PNPLA7: variants seen among roughly 807,000 people sequenced by gnomAD.
PNPLA7 encodes patatin like domain 7, lysophospholipase, also known as patatin-like phospholipase domain-containing protein 7.
Under a neutral mutation model 161.7 loss-of-function variants are expected in PNPLA7, and 153 were observed. That is an observed-to-expected ratio of 0.95 (90% CI 0.83 to 1.08). The LOEUF (loss-of-function observed/expected upper bound fraction) is 1.08, where lower values mean the gene tolerates loss of function less well. Ranked by LOEUF, PNPLA7 falls within the 50% of genes least tolerant of loss-of-function variation. The pLI is 0.00. For missense variants in PNPLA7, 1,739 were observed against 1,856.6 expected (o/e 0.94, Z 1.16); for synonymous variants, 809 against 782.1 (o/e 1.03, Z -0.57).
At chr9:137,473,116 C>T (rs1435141650) in intron 25 of PNPLA7, among the ~76,000 whole-genome samples, 1 of 152,178 alleles carries the variant, frequency 6.6e-6, no homozygotes, top group Non-Finnish European at 1.5e-5. Context: ...CATCAGATCC[C>T]GTTAGACTAT....
intron 8 of PNPLA7, among the ~76,000 whole-genome samples, chr9:137,526,118 A>T (rs1835289874): frequency 6.6e-6 from 1 of 152,094 alleles, no homozygotes; most frequent in African/African-American, 2.4e-5. Context: ...CTTATTCTGT[A>T]TATTTTCTTT....
chr9:137,473,670 C>T (rs941722336), intron 25 of PNPLA7, among the ~76,000 whole-genome samples: 6 of 152,186 alleles, frequency 3.9e-5, no homozygotes, highest in Non-Finnish European at 8.8e-5. Context: ...CAAAAGAAGA[C>T]ACACAAATGG....
At chr9:137,478,806 T>C in intron 24 of PNPLA7, 2 of 449,118 alleles carry the variant, frequency 4.5e-6, no homozygotes, top group East Asian at 3.9e-5. Flanking sequence ...ATCCCCGGGG[T>C]TCGCTGAGCC....
rs1376677783 is a variant in PNPLA7, at chr9:137,486,071, C to T, written c.2198-1335G>A. On this transcript the variant is annotated intron_variant, in intron 20 of 34. Coordinates refer to ENST00000406427, the MANE Select transcript of PNPLA7 (RefSeq NM_001098537.3). This position sits in a 1 kb window ranked among gnomAD's most constrained non-coding sequence, Gnocchi z 6.0. ...CCGTGGATGCTCCTCCTCTGCAGTC[C>T]CCGTGGCCCAGCCCTCTCACAGGCT... 2.0e-5 allele frequency among the ~76,000 whole-genome samples: 3 copies of T among 151,922 alleles called. No individual in the cohort carries two copies. The highest frequency in any genetic ancestry group is 2.0e-4 in the Admixed American group (3 of 15,234).
At chr9:137,531,291 G>A (rs184092810) in intron 8 of PNPLA7, among the ~76,000 whole-genome samples, 61 of 152,288 alleles carry the variant, frequency 4.0e-4, no homozygotes, top group African/African-American at 1.4e-3. Flanking sequence ...AAGCACGTGC[G>A]TGTGTTTGGG....
chr9:137,475,010 C>CAAAAAAAAAAAAAAAAAAAA (rs58417100), intron 25 of PNPLA7, among the ~76,000 whole-genome samples: 2 of 63,616 alleles, frequency 3.1e-5, no homozygotes, highest in African/African-American at 1.4e-4. Context: ...GACTCTGCCT[C>CAAAAAAAAAAAAAAAAAAAA]AAAAAAAAAA....
chr9:137,541,577 C>T lies in PNPLA7; in HGVS notation c.667-855G>A, dbSNP rs754828058. On this transcript the variant is annotated intron_variant, in intron 7 of 34. Coordinates refer to ENST00000406427, the MANE Select transcript of PNPLA7 (RefSeq NM_001098537.3). The surrounding 1 kb of genome is among the most constrained non-coding windows in gnomAD (Gnocchi z 4.4). The stretch of plus-strand genomic sequence containing the variant: ...CACAAAGCCCAGGGTTTGCTGAGTG[C>T]GTGCTTTAAATGAGAACAAGCAATG... The T allele has an allele frequency of 5.2e-5, 42 of 815,430 alleles. No homozygotes were observed. Among genetic ancestry groups the T allele is most frequent in the Non-Finnish European group, 5.8e-5 (39 of 674,822 alleles). 50.5% of individuals were successfully genotyped at this position (815,430 alleles called of 1,614,324 possible). A position where few individuals can be genotyped will look rare whatever the true frequency, so the allele number is the denominator to read the frequency against.
chr9:137,471,692 C>T lies in PNPLA7; in HGVS notation c.2883-4219G>A, dbSNP rs903092784. ...TAACAAAAGATGTGCAAGACCTCTA[C>T]ACTGAAGACCGCAAATCATGGCTGA... is the stretch of plus-strand genomic sequence containing the variant. On this transcript the variant is annotated intron_variant, in intron 25 of 34. Transcript: ENST00000406427. Among the ~76,000 whole-genome samples, 12 of 151,612 alleles carry T rather than the reference C, an allele frequency of 7.9e-5. 2 individuals are homozygous for T. The highest frequency in any genetic ancestry group is 1.8e-4 in the Non-Finnish European group (12 of 67,898).
rs1209733705 is a variant in PNPLA7 at position 137,500,184 on chromosome 9, T to C, written c.1757+507A>G. 3.3e-5 allele frequency among the ~76,000 whole-genome samples: 5 copies of C among 152,186 alleles called. No homozygotes were observed. Among genetic ancestry groups the C allele is most frequent in the Non-Finnish European group, 7.3e-5 (5 of 68,038 alleles). Reference sequence around the variant, plus strand: ...AGCCTGGAAGGCGACACGGGCACATTCTGCCCCAAGAAGGGACACACGTCA... The same window carrying C: ...AGCCTGGAAGGCGACACGGGCACATCCTGCCCCAAGAAGGGACACACGTCA... On this transcript the variant is annotated intron_variant, in intron 16 of 34. Transcript: ENST00000406427. The surrounding 1 kb of genome is among the most constrained non-coding windows in gnomAD (Gnocchi z 5.5).
At chr9:137,463,005 A>C in intron 29 of PNPLA7, 172 bp from the exon 30 acceptor site, 1 of 900,264 alleles carries the variant, frequency 1.1e-6, no homozygotes, top group Non-Finnish European at 1.7e-6. Flanking sequence ...AGCTGTGGGC[A>C]CACGGCTGTG....
At position 137,490,814 on chromosome 9, in the gene PNPLA7, C is replaced by T. The variant is rs1432331229; in HGVS notation, c.2197+2199G>A. ...AAAAATCATGTTTGATGGCTGAAAG[C>T]GAAAGTTGTAGCCCTGTGTTTTTGG... On this transcript the variant is annotated intron_variant, in intron 20 of 34. Coordinates refer to ENST00000406427, the MANE Select transcript of PNPLA7 (RefSeq NM_001098537.3). The surrounding 1 kb of genome is among the most constrained non-coding windows in gnomAD (Gnocchi z 4.1). Among the ~76,000 whole-genome samples the T allele has an allele frequency of 2.6e-5, 4 of 152,134 alleles. No homozygotes were observed. Among genetic ancestry groups the T allele is most frequent in the Admixed American group, 1.3e-4 (2 of 15,280 alleles).
rs1272078022 is a variant in PNPLA7, at chr9:137,464,080, C to T, written c.3226+46G>A. 1.9e-6 allele frequency: 3 copies of T among 1,593,590 alleles called. No individual in the cohort carries two copies. In the African/African-American group the frequency reaches 4.0e-5, roughly 21 times the overall value. ...GGGGCTGCTGAGCTCTCCCCCTGCC[C>T]ACACCTCGCACCCAAGCGGCCGCCC... On this transcript the variant is annotated intron_variant, in intron 28 of 34. Transcript: ENST00000406427.
chr9:137,492,602 C>T (rs1832826972), intron 20 of PNPLA7, among the ~76,000 whole-genome samples: 1 of 144,614 alleles, frequency 6.9e-6, no homozygotes, highest in Non-Finnish European at 1.5e-5. Flanking sequence ...GTGGGTGGGG[C>T]CCCAGGATAG....
intron 25 of PNPLA7, among the ~76,000 whole-genome samples, chr9:137,474,722 C>T (rs1831859290): frequency 6.6e-6 from 1 of 152,022 alleles, no homozygotes; most frequent in African/African-American, 2.4e-5. Context: ...CCATCAGAAG[C>T]TCCAGGAAGG....
chr9:137,503,904 A>T, intron 14 of PNPLA7, among the ~76,000 whole-genome samples: 1 of 127,844 alleles, frequency 7.8e-6, no homozygotes, highest in South Asian at 2.7e-4. Context: ...AGAAGAAGGA[A>T]GAAGAAAGAA....
intron 8 of PNPLA7, among the ~76,000 whole-genome samples, chr9:137,531,351 C>T (rs1808467897): frequency 6.6e-6 from 1 of 152,174 alleles, no homozygotes; most frequent in Non-Finnish European, 1.5e-5. Context: ...CTAAAAATGG[C>T]TTTTGTGTGT....
intron 8 of PNPLA7, among the ~76,000 whole-genome samples, chr9:137,534,464 AAC>A (rs1475064568): frequency 6.6e-6 from 1 of 150,970 alleles, no homozygotes; most frequent in Non-Finnish European, 1.5e-5. Flanking sequence ...ACTCCTCCCC[AAC>A]AGTGTCCACT....
intron 12 of PNPLA7, among the ~76,000 whole-genome samples, chr9:137,508,227 A>AAAAAAG (rs1179933410): frequency 1.6e-4 from 25 of 152,282 alleles, no homozygotes; most frequent in African/African-American, 5.3e-4. Flanking sequence ...CCTTACCTCA[A>AAAAAAG]AAAAAGAAAA....
rs1398880172 is a variant in PNPLA7 at position 137,467,078 on chromosome 9, C to T, written c.3039+239G>A. 6.6e-6 allele frequency among the ~76,000 whole-genome samples: 1 copy of T among 152,116 alleles called. No homozygotes were observed. Among genetic ancestry groups the T allele is most frequent in the East Asian group, 1.9e-4 (1 of 5,190 alleles). ...CACAGATCAGACCACCTCCCACCAC[C>T]GTCTCCACCAACTCAGACCTGGGCA... is the stretch of plus-strand genomic sequence containing the variant. On this transcript the variant is annotated intron_variant, in intron 26 of 34. Transcript: ENST00000406427. The surrounding 1 kb of genome is among the most constrained non-coding windows in gnomAD (Gnocchi z 5.1).
Sources: gnomAD v4.1 joint callset for allele counts (sites outside exome capture counted in the v4.1 genomes callset) on GRCh38, gnomAD v4.1.1 for gene constraint, Gnocchi (gnomAD v3.1) non-coding constraint, MANE v1.5 for transcripts, NCBI Gene and HGNC (gene_info 2026-07-23, HGNC 2026-07-21) for gene names.